CLUAP1: variants seen among roughly 807,000 people sequenced by gnomAD.
The protein encoded by CLUAP1 is clusterin-associated protein 1.
Under a neutral mutation model 55.0 loss-of-function variants are expected in CLUAP1, and 50 were observed. That is an observed-to-expected ratio of 0.91 (90% CI 0.72 to 1.15). CLUAP1 has a LOEUF of 1.15. CLUAP1 is among the 50% of genes most tolerant of loss of function. The pLI is 0.00. For missense variants in CLUAP1, 530 were observed against 507.6 expected (o/e 1.04, Z -0.42); for synonymous variants, 195 against 175.4 (o/e 1.11, Z -0.88).
chr16:3,538,742 A>T lies in CLUAP1; in HGVS notation c.*2471A>T, dbSNP rs1354803584. On this transcript the variant is annotated 3_prime_UTR_variant, in exon 12 of 12. Transcript: ENST00000576634. ...TAGCACTGCCTTGCTTGAGCACGGA[A>T]GTTTCTGTCAACAGCAAGCTTTATG... 6.6e-6 allele frequency: 1 copy of T among 152,190 alleles called. No homozygotes were observed. The highest frequency in any genetic ancestry group is 1.5e-5 in the Non-Finnish European group (1 of 68,022). The allele number at this position is 152,190 out of a possible 1,614,324, so 9.4% of individuals were successfully genotyped here. A position where few individuals can be genotyped will look rare whatever the true frequency, so the allele number is the denominator to read the frequency against.
intron 9 of CLUAP1, among the ~76,000 whole-genome samples, chr16:3,528,286 T>G (rs2037986389): frequency 6.6e-6 from 1 of 152,182 alleles, no homozygotes; most frequent in Admixed American, 6.5e-5. Flanking sequence ...ACTTGAGGCA[T>G]CAGGCCCACA....
At position 3,512,536 on chromosome 16, in the gene CLUAP1, C is replaced by T. The variant is rs114931002; in HGVS notation, c.495+58C>T. ...ATTTTCTCTTCAAGGTTTTCTTTTT[C>T]AATTCTGTTTCTCCCTTTTCAGTTC... On this transcript the variant is annotated intron_variant, in intron 5 of 11. Coordinates refer to ENST00000576634, the MANE Select transcript of CLUAP1 (RefSeq NM_015041.3). 785 of 1,331,892 alleles carry T rather than the reference C, an allele frequency of 5.9e-4. 3 individuals carry two copies. In the African/African-American group the frequency reaches 0.01, roughly 17 times the overall value. The allele number at this position is 1,331,892 out of a possible 1,614,324, so 82.5% of individuals were successfully genotyped here.
At chr16:3,509,015 G>C (rs2037564743) in intron 4 of CLUAP1, among the ~76,000 whole-genome samples, 1 of 152,004 alleles carries the variant, frequency 6.6e-6, no homozygotes, top group Non-Finnish European at 1.5e-5. Flanking sequence ...CAAACACTTT[G>C]GGAGGCCGAG....
At chr16:3,513,222 T>G (rs59010158) in intron 5 of CLUAP1, among the ~76,000 whole-genome samples, 2,600 of 152,322 alleles carry the variant, frequency 0.017, 83 homozygotes, top group African/African-American at 0.056. Flanking sequence ...GTCCTTGTTA[T>G]GGAATGTGAC....
At chr16:3,533,321 G>A in intron 11 of CLUAP1, 1 of 619,184 alleles carries the variant, frequency 1.6e-6, no homozygotes, top group Non-Finnish European at 2.8e-6. Context: ...CTGTGCTAAA[G>A]TGGAGGCGCA....
intron 8 of CLUAP1, among the ~76,000 whole-genome samples, chr16:3,524,383 C>T (rs2037898590): frequency 2.6e-5 from 4 of 151,318 alleles, no homozygotes; most frequent in East Asian, 2.0e-4. Context: ...TGGTGGACCA[C>T]GAGGTCAGGA....
upstream of CLUAP1, among the ~76,000 whole-genome samples, chr16:3,497,562 T>C (rs923446265): frequency 1.3e-5 from 2 of 152,174 alleles, no homozygotes; most frequent in Admixed American, 6.5e-5. Context: ...CAGAGAAATA[T>C]AGTCAGCAGA....
At chr16:3,529,426 T>A (rs867716735) in intron 9 of CLUAP1, among the ~76,000 whole-genome samples, 12 of 81,726 alleles carry the variant, frequency 1.5e-4, no homozygotes, top group South Asian at 9.2e-4. Flanking sequence ...TATATTATTA[T>A]ATATAATATA....
intron 11 of CLUAP1, chr16:3,533,645 A>G (rs1250842774): frequency 2.5e-5 from 4 of 163,212 alleles, no homozygotes; most frequent in East Asian, 1.7e-4. Flanking sequence ...GCTCAAGCCT[A>G]CGTTCTTTGT....
At chr16:3,517,464 G>A (rs960705507) in intron 6 of CLUAP1, among the ~76,000 whole-genome samples, 3 of 151,348 alleles carry the variant, frequency 2.0e-5, no homozygotes, top group East Asian at 3.9e-4. Context: ...GCGCCACCAC[G>A]CCCAGCTAAT....
upstream of CLUAP1, among the ~76,000 whole-genome samples, chr16:3,500,247 C>A (rs917737497): frequency 1.3e-5 from 2 of 152,238 alleles, no homozygotes; most frequent in African/African-American, 4.8e-5. Flanking sequence ...TGCGCGAGAC[C>A]GAGGCCTGGC....
At chr16:3,500,366 A>AT (rs35022426), upstream of CLUAP1, among the ~76,000 whole-genome samples, 1,496 of 115,490 alleles carry the variant, frequency 0.013, 30 homozygotes, top group African/African-American at 0.024. Flanking sequence ...AGTATAGTGC[A>AT]TTTTTTTTTT....
At chr16:3,529,632 ATT>A (rs1567439818) in intron 9 of CLUAP1, among the ~76,000 whole-genome samples, 166 of 15,896 alleles carry the variant, frequency 0.01, 2 homozygotes, top group Non-Finnish European at 0.013. Flanking sequence ...TATATTATAT[ATT>A]ATTATATATT....
intron 11 of CLUAP1, chr16:3,533,205 C>G: frequency 6.9e-7 from 1 of 1,452,720 alleles, no homozygotes; most frequent in Non-Finnish European, 9.3e-7. Context: ...GTCAGCCCTC[C>G]CGGGGCCAGC....
At chr16:3,529,456 A>G (rs1397363834) in intron 9 of CLUAP1, among the ~76,000 whole-genome samples, 3 of 73,612 alleles carry the variant, frequency 4.1e-5, no homozygotes, top group South Asian at 6.4e-4. Context: ...ATATATTATT[A>G]TATATAATAT....
intron 8 of CLUAP1, among the ~76,000 whole-genome samples, chr16:3,525,407 C>T (rs941293660): frequency 6.6e-6 from 1 of 152,092 alleles, no homozygotes; most frequent in African/African-American, 2.4e-5. Flanking sequence ...ATCTCTTTTT[C>T]TCTTACTCAC....
chr16:3,508,710 A>G (rs1217095005), intron 4 of CLUAP1, among the ~76,000 whole-genome samples: 1 of 152,202 alleles, frequency 6.6e-6, no homozygotes, highest in Non-Finnish European at 1.5e-5. Flanking sequence ...GTGAACAAAA[A>G]GGACAAAAAT....
At chr16:3,530,222 C>G (rs2038087101) in intron 9 of CLUAP1, among the ~76,000 whole-genome samples, 1 of 151,874 alleles carries the variant, frequency 6.6e-6, no homozygotes, top group South Asian at 2.1e-4. Flanking sequence ...CCCCACCTCC[C>G]AACACTGTTG....
chr16:3,506,627 C>G (rs1054873092), intron 3 of CLUAP1, among the ~76,000 whole-genome samples: 1 of 151,908 alleles, frequency 6.6e-6, no homozygotes, highest in African/African-American at 2.4e-5. Flanking sequence ...CTCAGCCTCC[C>G]GAGTAGCTAG....
Sources: gnomAD v4.1 joint callset for allele counts (sites outside exome capture counted in the v4.1 genomes callset) on GRCh38, gnomAD v4.1.1 for gene constraint, MANE v1.5 for transcripts, NCBI Gene and HGNC (gene_info 2026-07-23, HGNC 2026-07-21) for gene names.